Variants in FHIP2B observed in about 807,000 individuals in gnomAD.
FHIP2B encodes FHF complex subunit HOOK interacting protein 2B.
A neutral mutation model predicts 84.0 loss-of-function variants in FHIP2B; 72 were observed. The ratio of observed to expected loss-of-function variants is 0.86; its 90% CI spans 0.71 to 1.04. FHIP2B has a LOEUF of 1.04. FHIP2B is among the 50% of genes least tolerant of loss of function. FHIP2B has a pLI of 0.00. For synonymous variants in FHIP2B, 497 were observed against 418.7 expected (o/e 1.19, Z -2.28); for missense variants, 972 against 968.9 (o/e 1.00, Z -0.04).
At chr8:22,102,678 C>T (rs756154980) in intron 16 of FHIP2B, 50 bp downstream of exon 16, 22 of 1,570,128 alleles carry the variant, frequency 1.4e-5, no homozygotes, top group South Asian at 1.3e-4. Context: ...GAGTGGAAAG[C>T]GCCTCTGGAG....
At chr8:22,095,045 C>CT in intron 2 of FHIP2B, 1 of 249,748 alleles carries the variant, frequency 4.0e-6, no homozygotes, top group Non-Finnish European at 6.4e-6. Context: ...GCACCTGGTC[C>CT]CATCAGGACC....
intron 8 of FHIP2B, 26 bp from the exon 9 acceptor site, chr8:22,099,258 A>T: frequency 1.2e-6 from 2 of 1,611,896 alleles, no homozygotes; most frequent in Non-Finnish European, 1.7e-6. Context: ...TGAGGGCAAA[A>T]CACATTGGCG....
At chr8:22,101,363 G>T in intron 12 of FHIP2B, 77 bp from the exon 13 acceptor site, 1 of 1,231,830 alleles carries the variant, frequency 8.1e-7, no homozygotes, top group Non-Finnish European at 1.2e-6. Context: ...GTCCAGTCAG[G>T]GAGGGAGATG....
At chr8:22,099,240 A>G in intron 8 of FHIP2B, 44 bp from the exon 9 acceptor site, 1 of 1,606,106 alleles carries the variant, frequency 6.2e-7, no homozygotes, top group Non-Finnish European at 8.5e-7. Flanking sequence ...TCTCAGCTGG[A>G]ATTGTAATGA....
chr8:22,100,156 A>C, intron 10 of FHIP2B: 1 of 453,572 alleles, frequency 2.2e-6, no homozygotes, highest in Non-Finnish European at 3.8e-6. Flanking sequence ...GCAGTCTCCA[A>C]CTCCTGGCCT....
chr8:22,090,238 T>C (rs1174725023), intron 1 of FHIP2B, among the ~76,000 whole-genome samples: 1 of 151,782 alleles, frequency 6.6e-6, no homozygotes, highest in African/African-American at 2.4e-5. Context: ...GTATAAATCT[T>C]CCCCCAATTG....
chr8:22,090,764 A>G (rs1825449019), intron 1 of FHIP2B, among the ~76,000 whole-genome samples: 1 of 152,134 alleles, frequency 6.6e-6, no homozygotes, highest in Non-Finnish European at 1.5e-5. Context: ...AGCTGGGACT[A>G]CAGGCATGCG....
At chr8:22,091,977 C>T (rs1047652236) in intron 1 of FHIP2B, among the ~76,000 whole-genome samples, 1 of 152,198 alleles carries the variant, frequency 6.6e-6, no homozygotes, top group East Asian at 1.9e-4. Flanking sequence ...GGGAGCTCAT[C>T]ATCTAGCAGA....
intron 1 of FHIP2B, among the ~76,000 whole-genome samples, chr8:22,092,147 C>T (rs897424025): frequency 6.6e-6 from 1 of 152,212 alleles, no homozygotes; most frequent in Admixed American, 6.5e-5. Context: ...AGATGCCCTG[C>T]GGACTGAGGG....
rs1039901286 is a variant in FHIP2B at position 22,098,199 on chromosome 8, C to T, written c.657C>T (p.Ser219=). The part of the protein sequence containing the change: ...APARPQLDGE[S]CGAQALNSHM... ...CCAGGCCCCAGCTGGACGGGGAGTC[C>T]TGTGGGGCCCAGGCCTTGAACAGCC... The change falls in exon 6 of 17, where the codon TCC becomes TCT. Residue 219 remains serine, a synonymous_variant. Coordinates refer to ENST00000289921, the MANE Select transcript of FHIP2B (RefSeq NM_022749.7). 18 of 1,579,698 alleles carry T rather than the reference C, an allele frequency of 1.1e-5. No individual in the cohort carries two copies. The highest frequency in any genetic ancestry group is 1.5e-5 in the Non-Finnish European group (17 of 1,163,536).
In FHIP2B at chr8:22,096,334, T is replaced by G; in HGVS notation, c.125-3T>G. ...CTCACCCTTGTTTCCCAAACATCAT[T>G]AGATGAAAGCACCCCCGCCAAGAAG... is the stretch of plus-strand genomic sequence containing the variant. On this transcript the variant is annotated splice_polypyrimidine_tract_variant and splice_region_variant and intron_variant, in intron 2 of 16. Transcript: ENST00000289921. 6.5e-7 allele frequency: 1 copy of G among 1,548,728 alleles called. No individual in the cohort carries two copies. Among genetic ancestry groups the G allele is most frequent in the Non-Finnish European group, 8.7e-7 (1 of 1,145,410 alleles).
intron 1 of FHIP2B, among the ~76,000 whole-genome samples, chr8:22,091,013 T>A (rs1201507848): frequency 6.6e-6 from 1 of 152,096 alleles, no homozygotes; most frequent in Non-Finnish European, 1.5e-5. Flanking sequence ...CAGGTGATCT[T>A]CCGGGCCCTT....
chr8:22,091,846 A>T (rs1015851284), intron 1 of FHIP2B, among the ~76,000 whole-genome samples: 4 of 152,324 alleles, frequency 2.6e-5, no homozygotes, highest in African/African-American at 7.2e-5. Flanking sequence ...TAAAACAAGG[A>T]ACTAGGGAAA....
At chr8:22,094,756 G>A in intron 2 of FHIP2B, 1 of 1,329,284 alleles carries the variant, frequency 7.5e-7, no homozygotes, top group South Asian at 1.7e-5. Context: ...GCTGTGTGAG[G>A]AAGGAGTAGC....
chr8:22,102,844 C>T lies in FHIP2B; in HGVS notation c.2145C>T (p.Cys715=). 3.1e-6 allele frequency: 5 copies of T among 1,613,758 alleles called. No homozygotes were observed. The highest frequency in any genetic ancestry group is 1.1e-5 in the South Asian group (1 of 91,086). Reference sequence around the variant, plus strand: ...GCGTGGTGGTGCTGGAGGAGTTCTGCAAGGAGCTGGCTGCCATTGCCTTCG... The same window carrying T: ...GCGTGGTGGTGCTGGAGGAGTTCTGTAAGGAGCTGGCTGCCATTGCCTTCG... ...LQGVVVLEEF[C]KELAAIAFVK... Residue 715 remains cysteine (C), a synonymous_variant, in exon 17 of 17, where the codon TGC becomes TGT. Transcript: ENST00000289921.
At chr8:22,093,768 G>C (rs1825623326) in intron 1 of FHIP2B, among the ~76,000 whole-genome samples, 1 of 132,588 alleles carries the variant, frequency 7.5e-6, no homozygotes, top group South Asian at 2.4e-4. Context: ...CTAGGCTGGA[G>C]TGCAGCGCTG....
Position 22,100,665 on chromosome 8 carries a change from G to A in FHIP2B, c.1413G>A (p.Leu471=). 6.2e-7 allele frequency: 1 copy of A among 1,607,152 alleles called. No individual in the cohort carries two copies. The highest frequency in any genetic ancestry group is 8.5e-7 in the Non-Finnish European group (1 of 1,176,152). The stretch of plus-strand genomic sequence containing the variant: ...CCCACGAGGGGATCATCCACAGCCT[G>A]GTCCTGCGCAACCTTGAGGGCCGCC... ...QKPHEGIIHS[L]VLRNLEGRPY... The change falls in exon 11 of 17, where the codon CTG becomes CTA. Residue 471 remains leucine (L), a synonymous_variant. Transcript: ENST00000289921.
At chr8:22,094,398 C>A (rs765748849) in intron 1 of FHIP2B, 42 bp from the exon 2 acceptor site, 2 of 1,552,050 alleles carry the variant, frequency 1.3e-6, no homozygotes, top group Non-Finnish European at 1.7e-6. Flanking sequence ...GGCTCCCTGG[C>A]CTTTGTGGCC....
rs754608926 is a variant in FHIP2B, at chr8:22,098,184, G to C, written c.642G>C (p.Gln214His). 2 of 1,576,446 alleles carry C rather than the reference G, an allele frequency of 1.3e-6. No individual in the cohort carries two copies. Among genetic ancestry groups the C allele is most frequent in the Non-Finnish European group, 1.7e-6 (2 of 1,161,608 alleles). ...CSHDGAPARP[Q>H]LDGESCGAQA... ...ACGATGGTGCTCCTGCCAGGCCCCA[G>C]CTGGACGGGGAGTCCTGTGGGGCCC... Residue 214 changes from glutamine (Q) to histidine (H), a missense_variant, in exon 6 of 17, where the codon CAG (glutamine) becomes CAC (histidine). By Grantham distance (24) the Gln-to-His change is conservative (BLOSUM62 0). Transcript: ENST00000289921.
Sources: allele counts gnomAD v4.1 joint callset (sites outside exome capture counted in the v4.1 genomes callset), GRCh38; gene constraint gnomAD v4.1.1; transcripts MANE v1.5; gene names NCBI Gene and HGNC (gene_info 2026-07-23, HGNC 2026-07-21).